Variants in ASIC2 observed in about 807,000 individuals in gnomAD.
ASIC2 encodes the protein acid sensing ion channel subunit 2.
ASIC2 carries 25 observed loss-of-function variants against 57.3 expected under a neutral mutation model. That is an observed-to-expected ratio of 0.44 (90% CI 0.32 to 0.61). The LOEUF is 0.61. Among genes scored for constraint, ASIC2 ranks in the 20% least tolerant of loss-of-function variants. The pLI is 0.06. For missense variants in ASIC2, 641 were observed against 738.1 expected (o/e 0.87, Z 1.52); for synonymous variants, 319 against 307.5 (o/e 1.04, Z -0.39).
At chr17:33,710,171 A>G (rs1191516535) in intron 1 of ASIC2, among the ~76,000 whole-genome samples, 1 of 152,228 alleles carries the variant, frequency 6.6e-6, no homozygotes, top group Non-Finnish European at 1.5e-5. Flanking sequence ...TGTCACTGCC[A>G]ACGGCAAGCC....
chr17:33,992,501 C>T (rs1229348161), intron 1 of ASIC2, among the ~76,000 whole-genome samples: 1 of 152,186 alleles, frequency 6.6e-6, no homozygotes, highest in African/African-American at 2.4e-5. Context: ...TAACTGTGCA[C>T]ACATGTGTCT....
At chr17:34,035,824 C>A (rs935996535) in intron 1 of ASIC2, among the ~76,000 whole-genome samples, 4 of 152,032 alleles carry the variant, frequency 2.6e-5, no homozygotes, top group African/African-American at 4.8e-5. Flanking sequence ...AAATCAAAAC[C>A]ACAATGAGAT....
chr17:33,070,777 G>A (rs561495297), intron 3 of ASIC2, among the ~76,000 whole-genome samples: 3 of 152,142 alleles, frequency 2.0e-5, no homozygotes, highest in African/African-American at 7.2e-5. Flanking sequence ...AGATCTGCTG[G>A]TGATAGATAT....
intron 1 of ASIC2, among the ~76,000 whole-genome samples, chr17:33,453,158 G>T (rs1334903141): frequency 1.3e-5 from 2 of 151,904 alleles, no homozygotes; most frequent in African/African-American, 2.4e-5. Flanking sequence ...GTACATGTTT[G>T]TGGGGTCTGA....
At chr17:33,906,100 A>T (rs1258475494) in intron 1 of ASIC2, among the ~76,000 whole-genome samples, 1 of 144,754 alleles carries the variant, frequency 6.9e-6, no homozygotes, top group African/African-American at 2.6e-5. Context: ...TGCTGGGATT[A>T]CAAGCGTGAG....
chr17:33,215,443 A>T (rs1027944326), intron 1 of ASIC2, among the ~76,000 whole-genome samples: 2 of 152,274 alleles, frequency 1.3e-5, no homozygotes, highest in Non-Finnish European at 2.9e-5. Flanking sequence ...AAACATCCAC[A>T]CAATGGAGTT....
chr17:33,511,605 C>T (rs1382256699), intron 1 of ASIC2, among the ~76,000 whole-genome samples: 1 of 152,160 alleles, frequency 6.6e-6, no homozygotes, highest in Non-Finnish European at 1.5e-5. Context: ...CTCCCTGTCT[C>T]ACTGCCCACA....
Position 33,873,565 on chromosome 17 carries a change from T to C in ASIC2, c.555+282413A>G, listed in dbSNP as rs182348962. ...CTGTGTGACCTTGTATAGGTTTCTT[T>C]ACCTCTCTGAGCCTCAAAATCCTTA... On this transcript the variant is annotated intron_variant, in intron 1 of 9. Transcript: ENST00000359872. 2.6e-5 allele frequency among the ~76,000 whole-genome samples: 4 copies of C among 152,324 alleles called. No homozygotes were observed. The East Asian group carries it at 7.7e-4, about 29-fold the overall frequency.
chr17:33,352,906 C>T (rs967885729), intron 1 of ASIC2, among the ~76,000 whole-genome samples: 1 of 152,126 alleles, frequency 6.6e-6, no homozygotes, highest in Non-Finnish European at 1.5e-5. Context: ...TGAACCCTCC[C>T]TCATTCTTCA....
chr17:33,634,110 T>C (rs1906267423), intron 1 of ASIC2, among the ~76,000 whole-genome samples: 1 of 151,012 alleles, frequency 6.6e-6, no homozygotes, highest in African/African-American at 2.4e-5. Flanking sequence ...CCCATTCACG[T>C]GGATTTTAGA....
chr17:34,037,564 T>C (rs1298827355), intron 1 of ASIC2: 14 of 1,410,626 alleles, frequency 9.9e-6, no homozygotes, highest in Non-Finnish European at 1.4e-5. Flanking sequence ...AACCCGCTGC[T>C]GAACGCCATT....
At chr17:33,094,653 G>C (rs1481696246) in intron 2 of ASIC2, among the ~76,000 whole-genome samples, 1 of 152,208 alleles carries the variant, frequency 6.6e-6, no homozygotes, top group Non-Finnish European at 1.5e-5. Context: ...GTTTGAGCAA[G>C]TGCATAGGGA....
At chr17:34,023,427 T>C (rs1907259836) in intron 1 of ASIC2, among the ~76,000 whole-genome samples, 1 of 151,526 alleles carries the variant, frequency 6.6e-6, no homozygotes. Context: ...GATTCTGAAC[T>C]GCTGCAGAGG....
chr17:33,958,326 G>A (rs1199618584), intron 1 of ASIC2, among the ~76,000 whole-genome samples: 6 of 152,226 alleles, frequency 3.9e-5, no homozygotes, highest in Non-Finnish European at 8.8e-5. Context: ...TGGAAACTTT[G>A]TGTGGGGGGT....
chr17:33,834,280 G>A (rs939469181), intron 1 of ASIC2: 7 of 152,400 alleles, frequency 4.6e-5, no homozygotes, highest in Admixed American at 4.6e-4. Context: ...CCAGGGCAGG[G>A]AGTTTTAGTA....
intron 1 of ASIC2, among the ~76,000 whole-genome samples, chr17:33,964,217 A>T (rs1168596283): frequency 1.3e-5 from 2 of 152,208 alleles, no homozygotes; most frequent in Non-Finnish European, 2.9e-5. Flanking sequence ...ATGCCTGTAC[A>T]GCCAACTCCA....
rs773417540 is a variant in ASIC2, at chr17:33,016,036, T to C, written c.1525A>G (p.Ile509Val). 9.9e-6 allele frequency: 16 copies of C among 1,613,836 alleles called. No individual in the cohort carries two copies. In the South Asian group the frequency reaches 1.8e-4, roughly 18 times the overall value. The change falls in exon 9 of 10, where the codon ATC (isoleucine) becomes GTC (valine). Residue 509 changes from isoleucine (I) to valine (V), a missense_variant. This residue lies in a region of ASIC2 where 252 missense variants were observed against 319.8 expected (regional missense o/e 0.79). Transcript: ENST00000225823. The stretch of plus-strand genomic sequence containing the variant: ...AGCAGGTCTAATAGCTTCTCTTTGA[T>C]CAGCTGCAAGAAAAGCAGGAAGGGG... ...LELFDYIYEL[I>V]KEKLLDLLGK...
chr17:33,700,303 T>G (rs975502731), intron 1 of ASIC2, among the ~76,000 whole-genome samples: 2 of 152,210 alleles, frequency 1.3e-5, no homozygotes, highest in African/African-American at 4.8e-5. Context: ...TGTTGATAGT[T>G]TGTAACCATG....
chr17:33,117,481 C>T (rs1382237680), intron 1 of ASIC2, among the ~76,000 whole-genome samples: 1 of 152,176 alleles, frequency 6.6e-6, no homozygotes, highest in Non-Finnish European at 1.5e-5. Flanking sequence ...TGGCCCTCCT[C>T]ATTCTTGATT....
Sources: allele counts gnomAD v4.1 joint callset (sites outside exome capture counted in the v4.1 genomes callset), GRCh38; gene constraint gnomAD v4.1.1; regional missense constraint gnomAD v4.1.1; transcripts MANE v1.5; gene names NCBI Gene and HGNC (gene_info 2026-07-23, HGNC 2026-07-21).